Variants in CYP2C19 observed in about 807,000 individuals in gnomAD.
CYP2C19 encodes the protein cytochrome P450 2C19.
Under a neutral mutation model 40.9 loss-of-function variants are expected in CYP2C19, and 59 were observed. That is an observed-to-expected ratio of 1.44 (90% CI 1.17 to 1.79). The LOEUF is 1.79. Ranked by LOEUF, CYP2C19 falls within the 40% of genes most tolerant of loss-of-function variation. The pLI is 0.00. For missense variants in CYP2C19, 754 were observed against 596.9 expected, an observed-to-expected ratio of 1.26 and a Z score of -2.74; for synonymous variants, 253 against 208.7, an observed-to-expected ratio of 1.21 and a Z score of -1.83.
chr10:94,823,140 T>C (rs1849155650), intron 6 of CYP2C19, among the ~76,000 whole-genome samples: 1 of 152,100 alleles, frequency 6.6e-6, no homozygotes, highest in Admixed American at 6.6e-5. Context: ...GGAGAAAAAT[T>C]AATCAGTGTC....
Position 94,852,847 on chromosome 10 carries a change from CA to C in CYP2C19, c.1408del (p.Thr470LeufsTer64). On this transcript the variant is annotated frameshift_variant, in exon 9 of 9. Coordinates refer to ENST00000371321, the MANE Select transcript of CYP2C19 (RefSeq NM_000769.4). LOFTEE classifies it low-confidence loss of function (END_TRUNC). ...CTGATTGACCCAAAGGACCTTGACA[CA>C]ACTCCTGTTGTCAATGGATTTGCTT... ...KSLIDPKDLD[T>X]TPVVNGFASV... is the part of the protein sequence containing the mutation. 1 of 1,614,070 alleles carries C rather than the reference CA, an allele frequency of 6.2e-7. No individual in the cohort carries two copies. The highest frequency in any genetic ancestry group is 1.3e-5 in the African/African-American group (1 of 75,040).
chr10:94,791,014 G>A, intron 5 of CYP2C19, among the ~76,000 whole-genome samples: 1 of 152,026 alleles, frequency 6.6e-6, no homozygotes, highest in African/African-American at 2.4e-5. Context: ...TTTTTGGTTG[G>A]TATGCTATTA....
intron 5 of CYP2C19, among the ~76,000 whole-genome samples, chr10:94,799,321 A>C (rs1382405330): frequency 6.6e-6 from 1 of 151,694 alleles, no homozygotes; most frequent in African/African-American, 2.4e-5. Context: ...AAGAATGTCA[A>C]ATATTGGCCC....
rs745710610 is a variant in CYP2C19 at position 94,854,037 on chromosome 10, A to C, written c.*1123A>C. Among the ~76,000 whole-genome samples, 4 of 149,000 alleles carry C rather than the reference A, an allele frequency of 2.7e-5. No homozygotes were observed. Among genetic ancestry groups the C allele is most frequent in the Non-Finnish European group, 5.9e-5 (4 of 67,262 alleles). ...TCTTTTCTTTTTTCTTTTTTTTTTG[A>C]AATGGAGTCCCACTTTTGTTCCCCA... On this transcript the variant is annotated 3_prime_UTR_variant, in exon 9 of 9. Coordinates refer to ENST00000371321, the MANE Select transcript of CYP2C19 (RefSeq NM_000769.4).
intron 6 of CYP2C19, among the ~76,000 whole-genome samples, chr10:94,828,580 T>C (rs1039945208): frequency 6.0e-5 from 9 of 149,548 alleles, no homozygotes; most frequent in African/African-American, 1.7e-4. Flanking sequence ...ATGGGTTTCC[T>C]GAATACAGCA....
At chr10:94,808,127 T>A (rs1201059973) in intron 5 of CYP2C19, among the ~76,000 whole-genome samples, 7 of 152,166 alleles carry the variant, frequency 4.6e-5, no homozygotes, top group Non-Finnish European at 1.5e-5. Flanking sequence ...AAAAGACTGT[T>A]CTTTCATCAG....
At chr10:94,800,680 C>T (rs1330991523) in intron 5 of CYP2C19, among the ~76,000 whole-genome samples, 1 of 152,200 alleles carries the variant, frequency 6.6e-6, no homozygotes, top group African/African-American at 2.4e-5. Flanking sequence ...CCACCCAGTT[C>T]AAGCTTCCCA....
At chr10:94,847,838 G>A (rs1429319421) in intron 7 of CYP2C19, among the ~76,000 whole-genome samples, 1 of 152,136 alleles carries the variant, frequency 6.6e-6, no homozygotes, top group Non-Finnish European at 1.5e-5. Context: ...GTGATGATGA[G>A]CATTTTTTCA....
At chr10:94,827,621 G>T (rs1045916725) in intron 6 of CYP2C19, among the ~76,000 whole-genome samples, 7 of 152,228 alleles carry the variant, frequency 4.6e-5, no homozygotes, top group Admixed American at 2.6e-4. Flanking sequence ...CCAGCTCCTG[G>T]ATTCATTAAT....
chr10:94,838,572 G>A (rs999709236), intron 6 of CYP2C19, among the ~76,000 whole-genome samples: 9 of 151,972 alleles, frequency 5.9e-5, no homozygotes, highest in Admixed American at 5.2e-4. Flanking sequence ...CTGCTTGGAG[G>A]GGGCATAATC....
At chr10:94,849,337 A>T (rs12098606) in intron 7 of CYP2C19, among the ~76,000 whole-genome samples, 25,990 of 150,426 alleles carry the variant, frequency 0.17, 2,433 homozygotes, top group South Asian at 0.33. Context: ...TTATTTATTT[A>T]TTTTTTTCAT....
intron 7 of CYP2C19, among the ~76,000 whole-genome samples, chr10:94,844,454 C>G (rs74383629): frequency 6.6e-6 from 1 of 151,996 alleles, no homozygotes; most frequent in African/African-American, 2.4e-5. Flanking sequence ...TTTGTCTTGG[C>G]AGCTTTACAA....
At chr10:94,795,486 C>A (rs11498522) in intron 5 of CYP2C19, among the ~76,000 whole-genome samples, 30,651 of 151,926 alleles carry the variant, frequency 0.2, 3,316 homozygotes, top group Middle Eastern at 0.23. Context: ...GTCTTTATAG[C>A]AGCATGGTTT....
intron 8 of CYP2C19, among the ~76,000 whole-genome samples, chr10:94,851,683 C>G (rs368247836): frequency 1.3e-5 from 2 of 151,912 alleles, no homozygotes; most frequent in African/African-American, 2.4e-5. Flanking sequence ...GATAATACCC[C>G]CTCTGTATCC....
chr10:94,807,249 C>T (rs1396327433), intron 5 of CYP2C19, among the ~76,000 whole-genome samples: 2 of 152,014 alleles, frequency 1.3e-5, no homozygotes, highest in East Asian at 3.9e-4. Flanking sequence ...ATTAGTTTTC[C>T]ATGGTGTATG....
At chr10:94,823,186 C>G (rs1046177597) in intron 6 of CYP2C19, among the ~76,000 whole-genome samples, 2 of 152,032 alleles carry the variant, frequency 1.3e-5, no homozygotes, top group Non-Finnish European at 2.9e-5. Context: ...TTGGAAGTGC[C>G]AAGGGTCAAA....
chr10:94,809,143 G>C (rs1848878378), intron 5 of CYP2C19, among the ~76,000 whole-genome samples: 1 of 152,140 alleles, frequency 6.6e-6, no homozygotes, highest in South Asian at 2.1e-4. Context: ...GGGGTGAGAT[G>C]ATATCTTATT....
rs149072229 is a variant in CYP2C19 at position 94,775,130 on chromosome 10, G to A, written c.241G>A (p.Glu81Lys). The A allele has an allele frequency of 6.2e-4, 1,008 of 1,614,032 alleles. 1 individual carries two copies. The highest frequency in any genetic ancestry group is 8.3e-4 in the Non-Finnish European group (979 of 1,180,036). The change falls in exon 2 of 9, where the codon GAA becomes AAA. Residue 81 changes from glutamate (E) to lysine (K), a missense_variant. Physicochemically the swap from Glu to Lys is moderately conservative, Grantham distance 56. Coordinates refer to ENST00000371321, the MANE Select transcript of CYP2C19 (RefSeq NM_000769.4). Reference protein sequence around the residue: ...LERMVVLHGYEVVKEALIDLG... With the variant: ...LERMVVLHGYKVVKEALIDLG... ...ACGCATGGTGGTGCTGCATGGATATGAAGTGGTGAAGGAAGCCCTGATTGA... is the reference window on the plus strand; with the variant it reads ...ACGCATGGTGGTGCTGCATGGATATAAAGTGGTGAAGGAAGCCCTGATTGA...
rs1309685184 is a variant in CYP2C19, at chr10:94,852,944, G to A, written c.*30G>A. ...GCACAGATGGTCTGGCTGCTCCTGT[G>A]CTGTCCCTGCAGCTCTCTTTCCTCT... On this transcript the variant is annotated 3_prime_UTR_variant, in exon 9 of 9. Transcript: ENST00000371321. The A allele has an allele frequency of 6.2e-7, 1 of 1,611,494 alleles. No individual in the cohort carries two copies. The highest frequency in any genetic ancestry group is 1.7e-5 in the Admixed American group (1 of 59,876).
Sources: allele counts gnomAD v4.1 joint callset (sites outside exome capture counted in the v4.1 genomes callset), GRCh38; gene constraint gnomAD v4.1.1; transcripts MANE v1.5; gene names NCBI Gene and HGNC (gene_info 2026-07-23, HGNC 2026-07-21).